Variants in HS3ST3A1 observed in about 807,000 individuals in gnomAD.
The protein encoded by HS3ST3A1 is heparan sulfate glucosamine 3-O-sulfotransferase 3A1.
A neutral mutation model predicts 25.7 loss-of-function variants in HS3ST3A1; 19 were observed. That is an observed-to-expected ratio of 0.74 (90% confidence interval 0.52 to 1.08). HS3ST3A1 has a LOEUF of 1.08. HS3ST3A1 is among the 50% of genes least tolerant of loss of function. The pLI is 0.00. For missense variants in HS3ST3A1, 459 were observed against 594.3 expected, an observed-to-expected ratio of 0.77 and a Z score of 2.37; for synonymous variants, 226 against 278.6, an observed-to-expected ratio of 0.81 and a Z score of 1.88.
chr17:13,540,602 T>C (rs569702806), intron 1 of HS3ST3A1, among the ~76,000 whole-genome samples: 1 of 152,246 alleles, frequency 6.6e-6, no homozygotes, highest in Non-Finnish European at 1.5e-5. Flanking sequence ...TGCATTTACG[T>C]TGGAAGACCA....
chr17:13,495,477 A>G lies in HS3ST3A1; in HGVS notation c.*720T>C, dbSNP rs1472575729. Among the ~76,000 whole-genome samples the G allele has an allele frequency of 6.6e-6, 1 of 152,132 alleles. No homozygotes were observed. Among genetic ancestry groups the G allele is most frequent in the African/African-American group, 2.4e-5 (1 of 41,436 alleles). On this transcript the variant is annotated 3_prime_UTR_variant, in exon 2 of 2. Transcript: ENST00000284110. ...TCCCTTTTCATATCATCTGAAAACTACCTAACCATTTCTAAAGGTGCAGAT... is the reference window on the plus strand; with the variant it reads ...TCCCTTTTCATATCATCTGAAAACTGCCTAACCATTTCTAAAGGTGCAGAT...
At chr17:13,566,463 G>A (rs541638191) in intron 1 of HS3ST3A1, among the ~76,000 whole-genome samples, 1 of 152,126 alleles carries the variant, frequency 6.6e-6, no homozygotes, top group Non-Finnish European at 1.5e-5. Flanking sequence ...CGTTATAAAT[G>A]TTCAAGGGAA....
In HS3ST3A1 at chr17:13,495,866, A is replaced by T. The variant is rs544223436; in HGVS notation, c.*331T>A. The T allele has an allele frequency of 1.1e-4, 21 of 199,448 alleles. No individual in the cohort carries two copies. The highest frequency in any genetic ancestry group is 8.5e-4 in the East Asian group (7 of 8,248). The allele number at this position is 199,448 out of a possible 1,614,324, so 12.4% of individuals were successfully genotyped here. ...CAATTTTATCAGGGCCTTGTATTTTAAAAAAAGAGAGAGAGATGTTTAACC... is the reference window on the plus strand; with the variant it reads ...CAATTTTATCAGGGCCTTGTATTTTTAAAAAAGAGAGAGAGATGTTTAACC... On this transcript the variant is annotated 3_prime_UTR_variant, in exon 2 of 2. Transcript: ENST00000284110.
At chr17:13,555,215 C>T (rs1030281949) in intron 1 of HS3ST3A1, among the ~76,000 whole-genome samples, 5 of 152,088 alleles carry the variant, frequency 3.3e-5, no homozygotes, top group East Asian at 1.9e-4. Context: ...TGGAGTTCAT[C>T]CTCCCTCCAT....
At position 13,522,963 on chromosome 17, in the gene HS3ST3A1, A is replaced by C. The variant is rs533451680; in HGVS notation, c.600-26145T>G. On this transcript the variant is annotated intron_variant, in intron 1 of 1. Transcript: ENST00000284110. Reference sequence around the variant, plus strand: ...AGAACACAGAAGTGGAGCTTTATCCAGAGTGGTAAAGCTAAAACAGACAGC... The same window carrying C: ...AGAACACAGAAGTGGAGCTTTATCCCGAGTGGTAAAGCTAAAACAGACAGC... Among the ~76,000 whole-genome samples, 10 of 152,208 alleles carry C rather than the reference A, an allele frequency of 6.6e-5. No homozygotes were observed. The South Asian group carries it at 2.1e-3, about 32-fold the overall frequency.
At chr17:13,501,194 A>G (rs1257484811) in intron 1 of HS3ST3A1, among the ~76,000 whole-genome samples, 1 of 151,872 alleles carries the variant, frequency 6.6e-6, no homozygotes, top group Non-Finnish European at 1.5e-5. Flanking sequence ...TCACGTAACA[A>G]CGTGTATGTA....
intron 1 of HS3ST3A1, among the ~76,000 whole-genome samples, chr17:13,510,937 CTT>C (rs1198936975): frequency 6.6e-6 from 1 of 152,154 alleles, no homozygotes; most frequent in Non-Finnish European, 1.5e-5. Flanking sequence ...AAAATAATCT[CTT>C]ATTAATCACT....
intron 1 of HS3ST3A1, among the ~76,000 whole-genome samples, chr17:13,599,954 C>A (rs1259667286): frequency 6.6e-6 from 1 of 152,214 alleles, no homozygotes; most frequent in African/African-American, 2.4e-5. Context: ...AAATACAGTG[C>A]CTGGTTGCTT....
chr17:13,532,815 T>C (rs181807173), intron 1 of HS3ST3A1, among the ~76,000 whole-genome samples: 2 of 148,434 alleles, frequency 1.3e-5, no homozygotes, highest in African/African-American at 4.9e-5. Context: ...GTTGAGTATT[T>C]CCAAGACATA....
At chr17:13,557,907 T>C (rs527312165) in intron 1 of HS3ST3A1, among the ~76,000 whole-genome samples, 191 of 152,370 alleles carry the variant, frequency 1.3e-3, no homozygotes, top group South Asian at 2.3e-3. Context: ...GCATTTGCTG[T>C]GTCCTGGTAA....
At chr17:13,578,023 C>A (rs1423769294) in intron 1 of HS3ST3A1, among the ~76,000 whole-genome samples, 2 of 152,072 alleles carry the variant, frequency 1.3e-5, no homozygotes, top group African/African-American at 4.8e-5. Context: ...TTAAAAAATG[C>A]ATATATCACT....
chr17:13,515,470 A>AG (rs887623913), intron 1 of HS3ST3A1, among the ~76,000 whole-genome samples: 1 of 75,556 alleles, frequency 1.3e-5, no homozygotes, highest in African/African-American at 5.9e-5. Context: ...AGTTTGTTTC[A>AG]GTTTTTTTTT....
At chr17:13,515,518 A>T (rs1407401323) in intron 1 of HS3ST3A1, among the ~76,000 whole-genome samples, 1 of 136,678 alleles carries the variant, frequency 7.3e-6, no homozygotes, top group African/African-American at 2.9e-5. Context: ...TATTGCCTAC[A>T]TGCACCACGA....
chr17:13,527,601 A>G (rs1906474251), intron 1 of HS3ST3A1, among the ~76,000 whole-genome samples: 1 of 152,192 alleles, frequency 6.6e-6, no homozygotes, highest in South Asian at 2.1e-4. Flanking sequence ...AAGTGCCAAG[A>G]GCCCAGGTCT....
At chr17:13,547,447 T>C (rs1295173153) in intron 1 of HS3ST3A1, among the ~76,000 whole-genome samples, 1 of 152,130 alleles carries the variant, frequency 6.6e-6, no homozygotes, top group Admixed American at 6.5e-5. Context: ...GAATTGGAAC[T>C]AATCAACAAT....
chr17:13,497,992 A>G (rs986546934), intron 1 of HS3ST3A1, among the ~76,000 whole-genome samples: 6 of 152,206 alleles, frequency 3.9e-5, no homozygotes, highest in African/African-American at 1.2e-4. Flanking sequence ...TGGGCTAACT[A>G]TATTTTGTGA....
chr17:13,509,455 A>G (rs1458341842), intron 1 of HS3ST3A1, among the ~76,000 whole-genome samples: 3 of 152,268 alleles, frequency 2.0e-5, no homozygotes, highest in Admixed American at 2.0e-4. Flanking sequence ...AATGTCTTAA[A>G]GAATTATTCT....
At chr17:13,546,971 T>G (rs1907106748) in intron 1 of HS3ST3A1, among the ~76,000 whole-genome samples, 1 of 152,190 alleles carries the variant, frequency 6.6e-6, no homozygotes, top group Admixed American at 6.5e-5. Flanking sequence ...GGTATGCAAC[T>G]TTTAGCAAAC....
chr17:13,549,028 T>C (rs1907170749), intron 1 of HS3ST3A1, among the ~76,000 whole-genome samples: 1 of 152,182 alleles, frequency 6.6e-6, no homozygotes, highest in African/African-American at 2.4e-5. Flanking sequence ...TGCCACACTG[T>C]GGAAGCTTTG....
Sources: allele counts gnomAD v4.1 joint callset (sites outside exome capture counted in the v4.1 genomes callset), GRCh38; gene constraint gnomAD v4.1.1; transcripts MANE v1.5; gene names NCBI Gene and HGNC (gene_info 2026-07-23, HGNC 2026-07-21).